The following UBR4 variants were observed in gnomAD, a reference collection of about 807,000 sequenced individuals.
UBR4 encodes the protein ubiquitin protein ligase E3 component n-recognin 4.
A neutral mutation model predicts 575.6 loss-of-function variants in UBR4; 124 were observed. The ratio of observed to expected loss-of-function variants is 0.22; its 90% confidence interval spans 0.19 to 0.25. UBR4 has a LOEUF of 0.25. UBR4 is among the 10% of genes least tolerant of loss of function. The pLI is 1.00. For synonymous variants in UBR4, 2,455 were observed against 2,473.7 expected, an observed-to-expected ratio of 0.99 and a Z score of 0.22; for missense variants, 4,818 against 6,478.8, an observed-to-expected ratio of 0.74 and a Z score of 8.80.
chr1:19,148,709 G>A, intron 49 of UBR4, 83 bp from the exon 50 acceptor site: 3 of 1,445,468 alleles, frequency 2.1e-6, no homozygotes, highest in South Asian at 2.3e-5. Context: ...TAGTCATGAG[G>A]ACCTTGGGGA....
At chr1:19,199,039 A>G in intron 3 of UBR4, 111 bp from the exon 4 acceptor site, 1 of 1,322,442 alleles carries the variant, frequency 7.6e-7, no homozygotes, top group Non-Finnish European at 1.0e-6. Context: ...AGGTTCATAT[A>G]AACACTAAAG....
intron 1 of UBR4, among the ~76,000 whole-genome samples, chr1:19,202,955 G>T (rs991926031): frequency 6.6e-6 from 1 of 151,470 alleles, no homozygotes; most frequent in African/African-American, 2.4e-5. Context: ...GGTGGCACGC[G>T]CCTGTAATCC....
rs770448284 is a variant in UBR4 at position 19,185,329 on chromosome 1, A to G, written c.1751-43T>C. 8 of 1,501,616 alleles carry G rather than the reference A, an allele frequency of 5.3e-6. No homozygotes were observed. The African/African-American group carries it at 8.5e-5, about 16-fold the overall frequency. The allele number at this position is 1,501,616 out of a possible 1,614,324, so 93.0% of individuals were successfully genotyped here. ...AAGTAACGAAAATAAATATTTTTTA[A>G]AAGTGTTTTTGGTGCATCTGCTTCC... On this transcript the variant is annotated intron_variant, in intron 14 of 105. Coordinates refer to ENST00000375254, the MANE Select transcript of UBR4 (RefSeq NM_020765.3).
chr1:19,075,671 C>T (rs559300133), intron 105 of UBR4, among the ~76,000 whole-genome samples: 26 of 152,368 alleles, frequency 1.7e-4, no homozygotes, highest in African/African-American at 6.0e-4. Flanking sequence ...CTGCAAGGGG[C>T]AGCCAATGCG....
intron 55 of UBR4, among the ~76,000 whole-genome samples, chr1:19,142,312 C>G (rs2084035495): frequency 6.6e-6 from 1 of 152,174 alleles, no homozygotes; most frequent in African/African-American, 2.4e-5. Context: ...GCAGGTCCTG[C>G]CTGTGCCCAC....
In UBR4 at chr1:19,117,443, A is replaced by G. The variant is rs1383527229; in HGVS notation, c.10630-29T>C. 1 of 1,610,520 alleles carries G rather than the reference A, an allele frequency of 6.2e-7. No individual in the cohort carries two copies. The highest frequency in any genetic ancestry group is 1.1e-5 in the South Asian group (1 of 91,006). ...AATACAAGAGTTCACAAAACATGGT[A>G]TTAGTTCAAGACTCGTACTGCCTTT... On this transcript the variant is annotated intron_variant, in intron 72 of 105. Transcript: ENST00000375254. The surrounding 1 kb of genome is among the most constrained non-coding windows in gnomAD (Gnocchi z 4.0).
In UBR4 at chr1:19,170,770, T is replaced by C. The variant is rs2089410550; in HGVS notation, c.3635A>G (p.Asn1212Ser). 6.2e-7 allele frequency: 1 copy of C among 1,614,190 alleles called. No individual in the cohort carries two copies. The highest frequency in any genetic ancestry group is 8.5e-7 in the Non-Finnish European group (1 of 1,180,018). Residue 1212 changes from asparagine to serine, a missense_variant, in exon 26 of 106, where the codon AAT becomes AGT. Asn to Ser is a conservative substitution (Grantham distance 46). This residue lies in a region of UBR4 where 1,172 missense variants were observed against 1,259.7 expected (regional missense o/e 0.93). Coordinates refer to ENST00000375254, the MANE Select transcript of UBR4 (RefSeq NM_020765.3). ...LAIGSSRCKA[N>S]TLGPTLVQNL... is the part of the protein sequence containing the mutation. ...CACATTTGTTCTCTTACCCAGAGTA[T>C]TTGCCTTGCACCTGCTAGAGCCAAT... is the stretch of plus-strand genomic sequence containing the variant.
chr1:19,134,728 A>G (rs2082994828), intron 60 of UBR4, among the ~76,000 whole-genome samples: 1 of 151,458 alleles, frequency 6.6e-6, no homozygotes, highest in Non-Finnish European at 1.5e-5. Context: ...CTCTGTGGAC[A>G]GTGGGGAAGG....
intron 54 of UBR4, among the ~76,000 whole-genome samples, chr1:19,144,563 T>G (rs1471661753): frequency 1.3e-5 from 2 of 152,242 alleles, no homozygotes; most frequent in African/African-American, 4.8e-5. Flanking sequence ...AGCAGTAGGC[T>G]GTCCCTGGTG....
At position 19,198,792 on chromosome 1, in the gene UBR4, C is replaced by T; in HGVS notation, c.508+7G>A. 1.9e-6 allele frequency: 3 copies of T among 1,614,212 alleles called. No individual in the cohort carries two copies. The highest frequency in any genetic ancestry group is 2.5e-6 in the Non-Finnish European group (3 of 1,180,038). Reference sequence around the variant, plus strand: ...CATGTGATCAGATCTGTCAAAGGAACACCCACCGTCTGAAAGTGTCTTCAC... The same window carrying T: ...CATGTGATCAGATCTGTCAAAGGAATACCCACCGTCTGAAAGTGTCTTCAC... On this transcript the variant is annotated splice_region_variant and intron_variant, in intron 4 of 105. Transcript: ENST00000375254.
At chr1:19,114,579 A>ATACTCTAGTT (rs1182927141) in intron 75 of UBR4, among the ~76,000 whole-genome samples, 2 of 152,240 alleles carry the variant, frequency 1.3e-5, no homozygotes, top group African/African-American at 4.8e-5. Context: ...GTACCTGGAG[A>ATACTCTAGTT]TACTCTAGTT....
In UBR4 at chr1:19,161,126, T is replaced by C. The variant is rs1557847578; in HGVS notation, c.5197A>G (p.Ser1733Gly). ...SCLALVKRTP[S>G]SGMSSTMKES... The stretch of plus-strand genomic sequence containing the variant: ...TTCATGGTAGAGCTCATGCCACTGC[T>C]AGGAGTTCTCTTCACCAGAGCCTAG... Residue 1733 changes from serine to glycine, a missense_variant, in exon 38 of 106, where the codon AGC becomes GGC. Transcript: ENST00000375254. 6.2e-7 allele frequency: 1 copy of C among 1,614,106 alleles called. No homozygotes were observed. Among genetic ancestry groups the C allele is most frequent in the Non-Finnish European group, 8.5e-7 (1 of 1,180,000 alleles).
chr1:19,085,933 C>G (rs2076971140), intron 101 of UBR4, among the ~76,000 whole-genome samples: 1 of 152,174 alleles, frequency 6.6e-6, no homozygotes, highest in Non-Finnish European at 1.5e-5. Context: ...TCCTCCCACC[C>G]TGTGGTGGGC....
rs2078525749 is a variant in UBR4 at position 19,100,613 on chromosome 1, G to C, written c.13024-40C>G. The C allele has an allele frequency of 1.3e-6, 2 of 1,598,486 alleles. No homozygotes were observed. The highest frequency in any genetic ancestry group is 4.5e-5 in the East Asian group (2 of 44,756). On this transcript the variant is annotated intron_variant, in intron 88 of 105. Transcript: ENST00000375254. This position sits in a 1 kb window ranked among gnomAD's most constrained non-coding sequence, Gnocchi z 4.2. Reference sequence around the variant, plus strand: ...GAAGGGTGCATCAGAAGGGATGGCAGAGGTGGAGATTTATACCATGCTACC... The same window carrying C: ...GAAGGGTGCATCAGAAGGGATGGCACAGGTGGAGATTTATACCATGCTACC...
chr1:19,144,673 T>C, intron 54 of UBR4, 113 bp downstream of exon 54: 1 of 1,423,824 alleles, frequency 7.0e-7, no homozygotes, highest in Non-Finnish European at 9.4e-7. Context: ...TGAAACTTCA[T>C]TCCCTTCAGC....
Position 19,084,583 on chromosome 1 carries a change from C to G in UBR4, c.14929G>C (p.Asp4977His), listed in dbSNP as rs561805195. 6.2e-7 allele frequency: 1 copy of G among 1,614,248 alleles called. No individual in the cohort carries two copies. The highest frequency in any genetic ancestry group is 1.3e-5 in the African/African-American group (1 of 75,072). The part of the protein sequence containing the change: ...RFAMEQSFSA[D>H]TGGGGRESNI... Reference sequence around the variant, plus strand: ...CTCTCCCGGCCGCCCCCGCCAGTGTCTGCGCTGAACGACTGCTCCATGGCG... The same window carrying G: ...CTCTCCCGGCCGCCCCCGCCAGTGTGTGCGCTGAACGACTGCTCCATGGCG... Residue 4977 changes from aspartate (D) to histidine (H), a missense_variant, in exon 102 of 106, where the codon GAC becomes CAC. Asp to His is a moderately conservative substitution (Grantham distance 81). This residue lies in a region of UBR4 where 196 missense variants were observed against 386.8 expected (regional missense o/e 0.51). Transcript: ENST00000375254.
chr1:19,197,276 A>G lies in UBR4; in HGVS notation c.894-11T>C. On this transcript the variant is annotated splice_polypyrimidine_tract_variant and intron_variant, in intron 7 of 105. Coordinates refer to ENST00000375254, the MANE Select transcript of UBR4 (RefSeq NM_020765.3). ...ACCAATGAATGAAAGCTGGAACATG[A>G]CAGAGATCAACAAGTGTCTCTTAGA... 2 of 1,614,066 alleles carry G rather than the reference A, an allele frequency of 1.2e-6. No individual in the cohort carries two copies. The highest frequency in any genetic ancestry group is 2.2e-5 in the South Asian group (2 of 91,066).
chr1:19,208,546 T>C (rs2093135808), intron 1 of UBR4, among the ~76,000 whole-genome samples: 1 of 152,068 alleles, frequency 6.6e-6, no homozygotes, highest in Admixed American at 6.5e-5. Context: ...GGACTTATTT[T>C]CTAAGCCATA....
Position 19,160,166 on chromosome 1 carries a change from G to T in UBR4, c.5522C>A (p.Ala1841Asp), listed in dbSNP as rs1160517990. 1 of 1,614,026 alleles carries T rather than the reference G, an allele frequency of 6.2e-7. No individual in the cohort carries two copies. Among genetic ancestry groups the T allele is most frequent in the East Asian group, 2.2e-5 (1 of 44,866 alleles). The change falls in exon 39 of 106, where the codon GCC becomes GAC. Residue 1841 changes from alanine (A) to aspartate (D), a missense_variant. Ala to Asp is a moderately radical substitution (Grantham distance 126). Transcript: ENST00000375254. The stretch of plus-strand genomic sequence containing the variant: ...CTCCACAGTGTGTAGCTCACTGAGG[G>T]CTTGCTGAGCACGGCTGCTGCTCCC... ...AVGSSSRAQQ[A>D]LSELHTVEKA...
Sources: gnomAD v4.1 joint callset for allele counts (sites outside exome capture counted in the v4.1 genomes callset) on GRCh38, gnomAD v4.1.1 for gene constraint, gnomAD v4.1.1 regional missense constraint, Gnocchi (gnomAD v3.1) non-coding constraint, MANE v1.5 for transcripts, NCBI Gene and HGNC (gene_info 2026-07-23, HGNC 2026-07-21) for gene names.